TECR: variants seen among roughly 807,000 people sequenced by gnomAD.
TECR encodes trans-2,3-enoyl-CoA reductase, also known as very-long-chain enoyl-CoA reductase.
In TECR, 19 loss-of-function variants were observed where a neutral mutation model predicts 50.6. That is an observed-to-expected ratio of 0.38 (90% CI 0.26 to 0.55). The LOEUF (loss-of-function observed/expected upper bound fraction) is 0.55, where lower values mean the gene tolerates loss of function less well. Ranked by LOEUF, TECR falls within the 20% of genes least tolerant of loss-of-function variation. The probability of loss-of-function intolerance (pLI) is 0.79; values close to 1 mark genes in which losing one functional copy is unlikely to be tolerated. For synonymous variants in TECR, 168 were observed against 163.5 expected (o/e 1.03, Z -0.21); for missense variants, 313 against 408.3 (o/e 0.77, Z 2.01).
rs1373098514 is a variant in TECR, at chr19:14,529,772, C to A, written c.15+61C>A. On this transcript the variant is annotated intron_variant, in intron 1 of 12. Transcript: ENST00000215567. ...CTGACCCATTCTTTTTCCTTCTTTG[C>A]GGGACCACGGGACCCCACTTTCTGG... The A allele has an allele frequency of 6.2e-6, 10 of 1,608,802 alleles. No homozygotes were observed. In the Middle Eastern group the frequency reaches 5.0e-4, roughly 80 times the overall value.
chr19:14,559,862 C>T (rs1054616107), intron 1 of TECR, among the ~76,000 whole-genome samples: 4 of 152,106 alleles, frequency 2.6e-5, no homozygotes, highest in Non-Finnish European at 4.4e-5. Flanking sequence ...CCCCCAGAGC[C>T]TTTCAGTCCT....
At chr19:14,542,264 C>T (rs1308296040) in intron 1 of TECR, among the ~76,000 whole-genome samples, 1 of 151,166 alleles carries the variant, frequency 6.6e-6, no homozygotes, top group East Asian at 1.9e-4. Context: ...CATGCCCGAC[C>T]ACATTCTACT....
chr19:14,562,695 T>A, intron 2 of TECR, 120 bp downstream of exon 2: 1 of 1,151,536 alleles, frequency 8.7e-7, no homozygotes. Flanking sequence ...TATGGAGGGG[T>A]ATGCCCTCAC....
chr19:14,543,405 ATATATATATATATATTTTTTTTTTTTT>A (rs2073174711), intron 1 of TECR, among the ~76,000 whole-genome samples: 4 of 19,570 alleles, frequency 2.0e-4, no homozygotes, highest in African/African-American at 4.5e-4. Flanking sequence ...ATATATATAT[ATATATATATATATATTTTTTTTTTTTT>A]TTTTTTTTTT....
intron 1 of TECR, among the ~76,000 whole-genome samples, chr19:14,535,564 A>ATG (rs2072859602): frequency 4.0e-5 from 1 of 24,880 alleles, no homozygotes; most frequent in Non-Finnish European, 7.9e-5. Context: ...ATATATATAT[A>ATG]TATATATATA....
At chr19:14,541,396 C>T (rs559574049) in intron 1 of TECR, among the ~76,000 whole-genome samples, 30 of 152,218 alleles carry the variant, frequency 2.0e-4, no homozygotes, top group African/African-American at 4.6e-4. Context: ...TGGAAGCTGC[C>T]GAGACAACAC....
intron 1 of TECR, among the ~76,000 whole-genome samples, chr19:14,549,875 G>A (rs565132632): frequency 1.8e-4 from 27 of 151,852 alleles, no homozygotes; most frequent in Middle Eastern, 3.4e-3. Context: ...CTCGGCATGC[G>A]GAGGTTGCAG....
At position 14,564,589 on chromosome 19, in the gene TECR, G is replaced by A. The variant is rs1269521746; in HGVS notation, c.490-197G>A. On this transcript the variant is annotated intron_variant, in intron 7 of 12. Coordinates refer to ENST00000215567, the MANE Select transcript of TECR (RefSeq NM_138501.6). Reference sequence around the variant, plus strand: ...AGCCCCGCCCCAGTTTCACCCCTAGGCCCCTCCTGTCCACCACGCCCTCAC... The same window carrying A: ...AGCCCCGCCCCAGTTTCACCCCTAGACCCCTCCTGTCCACCACGCCCTCAC... The A allele has an allele frequency of 2.9e-4, 123 of 428,054 alleles. No homozygotes were observed. In the East Asian group the frequency reaches 5.1e-3, roughly 18 times the overall value. 26.5% of individuals were successfully genotyped at this position (428,054 alleles called of 1,614,324 possible). A position where few individuals can be genotyped will look rare whatever the true frequency, so the allele number is the denominator to read the frequency against.
At chr19:14,564,421 C>T (rs1391874585) in intron 7 of TECR, 134 bp downstream of exon 7, 12 of 774,132 alleles carry the variant, frequency 1.6e-5, no homozygotes, top group Middle Eastern at 3.5e-4. Flanking sequence ...TAGGCCCCGC[C>T]TAACCTCCCC....
intron 2 of TECR, among the ~76,000 whole-genome samples, chr19:14,562,786 T>C (rs541577437): frequency 9.9e-5 from 15 of 151,786 alleles, no homozygotes; most frequent in Non-Finnish European, 1.3e-4. Flanking sequence ...CCTGCGGGGA[T>C]TTTGGTCCTG....
In TECR at chr19:14,548,600, C is replaced by T. The variant is rs73521817; in HGVS notation, c.16-13925C>T. Among the ~76,000 whole-genome samples the T allele has an allele frequency of 4.8e-3, 732 of 152,188 alleles. 5 individuals are homozygous for T. The highest frequency in any genetic ancestry group is 0.017 in the Middle Eastern group (5 of 294). On this transcript the variant is annotated intron_variant, in intron 1 of 12. Transcript: ENST00000215567. ...TCGTCTCTTTTTTTTCTTTTAGAGA[C>T]GGAGTTTTGCACTGTCGCCCAGGCT... is the stretch of plus-strand genomic sequence containing the variant.
intron 1 of TECR, among the ~76,000 whole-genome samples, chr19:14,555,358 C>T (rs1195760582): frequency 6.6e-6 from 1 of 150,922 alleles, no homozygotes; most frequent in African/African-American, 2.4e-5. Flanking sequence ...AAGCGATTCT[C>T]CTGCCTCAGC....
At chr19:14,554,048 GCAC>G (rs1243471056) in intron 1 of TECR, among the ~76,000 whole-genome samples, 10 of 152,198 alleles carry the variant, frequency 6.6e-5, no homozygotes, top group African/African-American at 2.4e-4. Flanking sequence ...GGGCTGTGCG[GCAC>G]CACATCAGCT....
chr19:14,562,383 G>T, intron 1 of TECR, 142 bp from the exon 2 acceptor site: 1 of 837,296 alleles, frequency 1.2e-6, no homozygotes, highest in Non-Finnish European at 2.0e-6. Context: ...TGGCAGGGCT[G>T]GTGGCAGGCG....
At chr19:14,565,501 G>T in intron 11 of TECR, 117 bp from the exon 12 acceptor site, 1 of 1,481,276 alleles carries the variant, frequency 6.8e-7, no homozygotes, top group Non-Finnish European at 9.1e-7. Context: ...CGCTGGAATT[G>T]GGTTCCCATC....
Position 14,562,589 on chromosome 19 carries a change from G to A in TECR, c.66+14G>A, listed in dbSNP as rs1268248585. On this transcript the variant is annotated intron_variant, in intron 2 of 12. Transcript: ENST00000215567. ...TTCTTGGACAAGGTAGGACTGGGGC[G>A]TGGGCTGCACTGGGCCAAGGGCACT... is the stretch of plus-strand genomic sequence containing the variant. The A allele has an allele frequency of 8.7e-6, 14 of 1,614,128 alleles. No individual in the cohort carries two copies. The highest frequency in any genetic ancestry group is 2.2e-5 in the South Asian group (2 of 91,086).
At chr19:14,562,198 C>T (rs540641316) in intron 1 of TECR, 7 of 597,140 alleles carry the variant, frequency 1.2e-5, no homozygotes, top group East Asian at 5.5e-5. Flanking sequence ...GGTTGCCACT[C>T]GGGTTACATC....
At chr19:14,553,641 C>G (rs1452820796) in intron 1 of TECR, among the ~76,000 whole-genome samples, 1 of 152,046 alleles carries the variant, frequency 6.6e-6, no homozygotes, top group Non-Finnish European at 1.5e-5. Context: ...GAAAGGGAGC[C>G]GAGAGGGCTG....
chr19:14,564,643 C>A, intron 7 of TECR, 143 bp from the exon 8 acceptor site: 1 of 745,764 alleles, frequency 1.3e-6, no homozygotes. Context: ...CACCCCTTGG[C>A]CCCGCCTATC....
Sources: gnomAD v4.1 joint callset for allele counts (sites outside exome capture counted in the v4.1 genomes callset) on GRCh38, gnomAD v4.1.1 for gene constraint, MANE v1.5 for transcripts, NCBI Gene and HGNC (gene_info 2026-07-23, HGNC 2026-07-21) for gene names.